MMP27: variants seen among roughly 807,000 people sequenced by gnomAD.
The protein encoded by MMP27 is matrix metallopeptidase 27, also known as matrix metalloproteinase-27.
Under a neutral mutation model 48.1 loss-of-function variants are expected in MMP27, and 51 were observed. The observed-to-expected ratio is 1.06, with a 90% CI of 0.85 to 1.34. The LOEUF (loss-of-function observed/expected upper bound fraction) is 1.34. Ranked by LOEUF, MMP27 falls within the 40% of genes most tolerant of loss-of-function variation. The pLI is 0.00. For missense variants in MMP27, 698 were observed against 619.3 expected, an observed-to-expected ratio of 1.13 and a Z score of -1.35; for synonymous variants, 229 against 208.9, an observed-to-expected ratio of 1.10 and a Z score of -0.83.
rs1591655260 is a variant in MMP27 at position 102,692,828 on chromosome 11, A to G, written c.1297+110T>C. The G allele has an allele frequency of 9.9e-6, 8 of 806,442 alleles. No homozygotes were observed. In the East Asian group the frequency reaches 1.5e-4, roughly 15 times the overall value. 50.0% of individuals were successfully genotyped at this position (806,442 alleles called of 1,614,324 possible). On this transcript the variant is annotated intron_variant, in intron 9 of 9. Transcript: ENST00000260229. ...TTAATGTTTATTATTGTATATACTTAAGAGTAGCAAAATTGCATTAAAATA... is the reference window on the plus strand; with the variant it reads ...TTAATGTTTATTATTGTATATACTTGAGAGTAGCAAAATTGCATTAAAATA...
rs768037441 is a variant in MMP27 at position 102,696,484 on chromosome 11, C to T, written c.789G>A (p.Leu263=). The part of the protein sequence containing the change: ...INGIQSIYGG[L]PKEPAKPKEP... ...CCTTTGGCTTAGCAGGTTCCTTAGG[C>T]AGACCTCCTTTGATGAGAAAAAAAA... Residue 263 remains leucine, a synonymous_variant, in exon 6 of 10, where the codon CTG becomes CTA. Coordinates refer to ENST00000260229, the MANE Select transcript of MMP27 (RefSeq NM_022122.3). 1 of 1,613,112 alleles carries T rather than the reference C, an allele frequency of 6.2e-7. No homozygotes were observed. The highest frequency in any genetic ancestry group is 1.3e-5 in the African/African-American group (1 of 74,828).
At chr11:102,701,585 A>C (rs1416183553) in intron 4 of MMP27, among the ~76,000 whole-genome samples, 1 of 152,196 alleles carries the variant, frequency 6.6e-6, no homozygotes. Flanking sequence ...GATACACAAC[A>C]GACATGGTTC....
chr11:102,695,414 A>G (rs1034706408), intron 6 of MMP27, among the ~76,000 whole-genome samples: 20 of 152,222 alleles, frequency 1.3e-4, no homozygotes, highest in Admixed American at 7.2e-4. Flanking sequence ...CTAAGCCAAC[A>G]CCAAGCATTC....
At position 102,691,836 on chromosome 11, in the gene MMP27, T is replaced by C; in HGVS notation, c.1472A>G (p.Tyr491Cys). ...KAHSGGIKIL[Y>C]HKSLSLFIFG... Reference sequence around the variant, plus strand: ...AATAAACAAGCTTAAACTCTTATGATACAATATCTTTATGCCTCCTGAATG... The same window carrying C: ...AATAAACAAGCTTAAACTCTTATGACACAATATCTTTATGCCTCCTGAATG... The change falls in exon 10 of 10, where the codon TAT becomes TGT. Residue 491 changes from tyrosine (Y) to cysteine (C), a missense_variant. Tyr to Cys is a radical substitution (Grantham distance 194). Transcript: ENST00000260229. 1.2e-6 allele frequency: 2 copies of C among 1,612,680 alleles called. No homozygotes were observed. The highest frequency in any genetic ancestry group is 2.2e-5 in the East Asian group (1 of 44,758).
In MMP27 at chr11:102,694,017, G is replaced by A; in HGVS notation, c.1082C>T (p.Pro361Leu). 6.2e-7 allele frequency: 1 copy of A among 1,607,622 alleles called. No individual in the cohort carries two copies. Among genetic ancestry groups the A allele is most frequent in the Non-Finnish European group, 8.5e-7 (1 of 1,176,916 alleles). Residue 361 changes from proline to leucine, a missense_variant, in exon 8 of 10, where the codon CCC becomes CTC. By Grantham distance (98) the Pro-to-Leu change is moderately conservative. Coordinates refer to ENST00000260229, the MANE Select transcript of MMP27 (RefSeq NM_022122.3). ...IRGYAVLPDY[P>L]KSIHTLGFPG... ...AAAACCTAATGTATGGATGGATTTG[G>A]GATAATCTGGCAAGACAGCATATCC...
intron 9 of MMP27, among the ~76,000 whole-genome samples, chr11:102,692,518 T>G (rs548551771): frequency 1.3e-5 from 2 of 152,382 alleles, no homozygotes; most frequent in South Asian, 4.1e-4. Flanking sequence ...TTACATTGCC[T>G]GAGGTTCTTT....
At chr11:102,698,912 G>A (rs980485079) in intron 4 of MMP27, among the ~76,000 whole-genome samples, 6 of 152,210 alleles carry the variant, frequency 3.9e-5, no homozygotes, top group Non-Finnish European at 5.9e-5. Flanking sequence ...ACTTGATTCT[G>A]TCATAGCCCG....
intron 8 of MMP27, 133 bp downstream of exon 8, chr11:102,693,761 GGAGACAGAGCAA>G (rs1860769034): frequency 3.3e-6 from 2 of 612,914 alleles, no homozygotes; most frequent in East Asian, 6.7e-5. Flanking sequence ...CTCTAGCCTG[GGAGACAGAGCAA>G]GACTCCATCT....
intron 6 of MMP27, 75 bp from the exon 7 acceptor site, chr11:102,695,172 C>A: frequency 1.3e-6 from 2 of 1,519,660 alleles, no homozygotes; most frequent in African/African-American, 2.7e-5. Context: ...CTTAGGCTTG[C>A]CTTTTAGCTA....
chr11:102,700,687 A>G (rs1209612646), intron 4 of MMP27, among the ~76,000 whole-genome samples: 1 of 152,230 alleles, frequency 6.6e-6, no homozygotes, highest in East Asian at 1.9e-4. Context: ...CTCCTTCCCA[A>G]CACTGCATCT....
chr11:102,701,817 T>A (rs1396265627), intron 4 of MMP27, among the ~76,000 whole-genome samples: 1 of 152,206 alleles, frequency 6.6e-6, no homozygotes, highest in Non-Finnish European at 1.5e-5. Context: ...ATGGACCATT[T>A]TGTGTGACAG....
At chr11:102,702,495 A>G (rs1181716393) in intron 4 of MMP27, among the ~76,000 whole-genome samples, 1 of 152,238 alleles carries the variant, frequency 6.6e-6, no homozygotes, top group Non-Finnish European at 1.5e-5. Context: ...CACCTTGTAT[A>G]GTTCCGGGCA....
At chr11:102,701,589 A>C (rs1376554454) in intron 4 of MMP27, among the ~76,000 whole-genome samples, 1 of 152,212 alleles carries the variant, frequency 6.6e-6, no homozygotes, top group East Asian at 1.9e-4. Context: ...CACAACAGAC[A>C]TGGTTCATTC....
intron 5 of MMP27, 79 bp downstream of exon 5, chr11:102,696,595 A>C: frequency 6.4e-7 from 1 of 1,569,258 alleles, no homozygotes; most frequent in Non-Finnish European, 8.6e-7. Flanking sequence ...ATAATATTTC[A>C]AGAAGTGATT....
At chr11:102,694,866 G>A (rs931063342) in intron 7 of MMP27, 101 bp downstream of exon 7, 28 of 1,348,650 alleles carry the variant, frequency 2.1e-5, no homozygotes, top group Admixed American at 6.3e-5. Context: ...AAAGCCCTGC[G>A]CCTTGGCTCA....
At chr11:102,702,504 C>T (rs1274017759) in intron 4 of MMP27, among the ~76,000 whole-genome samples, 1 of 152,210 alleles carries the variant, frequency 6.6e-6, no homozygotes, top group East Asian at 1.9e-4. Flanking sequence ...TAGTTCCGGG[C>T]ACACAGTGGC....
chr11:102,700,274 G>T (rs915365167), intron 4 of MMP27, among the ~76,000 whole-genome samples: 2 of 152,210 alleles, frequency 1.3e-5, no homozygotes, highest in South Asian at 4.1e-4. Context: ...GTAGGTAAAA[G>T]ATGACAAAAG....
intron 5 of MMP27, 44 bp downstream of exon 5, chr11:102,696,629 CT>C: frequency 1.3e-6 from 2 of 1,571,778 alleles, no homozygotes; most frequent in Non-Finnish European, 1.7e-6. Flanking sequence ...TTCTGAAAAG[CT>C]TCCTATTTAG....
intron 4 of MMP27, among the ~76,000 whole-genome samples, chr11:102,700,507 A>G (rs1306995190): frequency 6.6e-6 from 1 of 152,218 alleles, no homozygotes; most frequent in Non-Finnish European, 1.5e-5. Context: ...TAACCTAGTT[A>G]GGGTAAGGGT....
Sources: gnomAD v4.1 joint callset for allele counts (sites outside exome capture counted in the v4.1 genomes callset) on GRCh38, gnomAD v4.1.1 for gene constraint, MANE v1.5 for transcripts, NCBI Gene and HGNC (gene_info 2026-07-23, HGNC 2026-07-21) for gene names.